The following NCSTN variants were observed in gnomAD, a reference collection of about 807,000 sequenced individuals.
NCSTN encodes the protein nicastrin.
Under a neutral mutation model 87.0 loss-of-function variants are expected in NCSTN, and 22 were observed. The ratio of observed to expected loss-of-function variants is 0.25; its 90% confidence interval spans 0.18 to 0.36. The LOEUF is 0.36. NCSTN is among the 10% of genes least tolerant of loss of function. The probability of loss-of-function intolerance (pLI) is 1.00; values close to 1 mark genes in which losing one functional copy is unlikely to be tolerated. For missense variants in NCSTN, 693 were observed against 883.3 expected (o/e 0.78, Z 2.73); for synonymous variants, 306 against 327.1 (o/e 0.94, Z 0.69).
intron 2 of NCSTN, among the ~76,000 whole-genome samples, chr1:160,345,483 G>A (rs942566699): frequency 5.3e-5 from 8 of 151,864 alleles, no homozygotes; most frequent in African/African-American, 9.7e-5. Flanking sequence ...GTGAGCCACC[G>A]CACCCAGCCG....
intron 4 of NCSTN, 22 bp downstream of exon 4, chr1:160,349,692 G>A (rs202176841): frequency 6.2e-6 from 10 of 1,612,840 alleles, no homozygotes; most frequent in South Asian, 4.4e-5. Context: ...AAAGGATCAG[G>A]AGAGCCTACT....
chr1:160,351,635 G>T (rs1246500995), intron 6 of NCSTN, 61 bp from the exon 7 acceptor site: 1 of 1,441,696 alleles, frequency 6.9e-7, no homozygotes, highest in Admixed American at 1.7e-5. Context: ...TTCCAATGTT[G>T]CCTTTATAGC....
intron 1 of NCSTN, chr1:160,343,742 T>A: frequency 1.5e-6 from 1 of 685,054 alleles, no homozygotes; most frequent in Admixed American, 2.0e-5. Context: ...TCTCCCACTT[T>A]GTCCAGATGT....
chr1:160,356,285 T>G lies in NCSTN; in HGVS notation c.1577T>G (p.Leu526Arg). The G allele has an allele frequency of 6.2e-7, 1 of 1,613,770 alleles. No homozygotes were observed. The highest frequency in any genetic ancestry group is 8.5e-7 in the Non-Finnish European group (1 of 1,179,612). ...QTVTRLLYGF[L>R]IKANNSWFQS... is the part of the protein sequence containing the mutation. ...GTTACCCGCCTGCTCTATGGGTTCC[T>G]GATTAAAGCCAACAACTCATGGTTC... The change falls in exon 14 of 17, where the codon CTG (leucine) becomes CGG (arginine). Residue 526 changes from leucine (L) to arginine (R), a missense_variant. Around this residue, in one of 4 missense-constraint regions of NCSTN, gnomAD observed 216 missense variants for 311.7 expected, o/e 0.69. Coordinates refer to ENST00000294785, the MANE Select transcript of NCSTN (RefSeq NM_015331.3).
chr1:160,356,076 G>A, intron 13 of NCSTN, 118 bp downstream of exon 13: 9 of 1,116,576 alleles, frequency 8.1e-6, no homozygotes, highest in Non-Finnish European at 1.2e-5. Context: ...CGGTGAGAAT[G>A]CCTCATGCCC....
rs1458509194 is a variant in NCSTN, at chr1:160,358,843, T to G, written c.*572T>G. 1 of 157,114 alleles carries G rather than the reference T, an allele frequency of 6.4e-6. No individual in the cohort carries two copies. Among genetic ancestry groups the G allele is most frequent in the African/African-American group, 2.4e-5 (1 of 41,500 alleles). 9.7% of individuals were successfully genotyped at this position (157,114 alleles called of 1,614,324 possible). A position where few individuals can be genotyped will look rare whatever the true frequency, so the allele number is the denominator to read the frequency against. ...CCCACCTCCAGCCCACAGTGCTCAGTTGTACTTTTTATTAAGCTGTAATAT... is the reference window on the plus strand; with the variant it reads ...CCCACCTCCAGCCCACAGTGCTCAGGTGTACTTTTTATTAAGCTGTAATAT... On this transcript the variant is annotated 3_prime_UTR_variant, in exon 17 of 17. Coordinates refer to ENST00000294785, the MANE Select transcript of NCSTN (RefSeq NM_015331.3).
chr1:160,349,863 C>T (rs1648741625), intron 4 of NCSTN, among the ~76,000 whole-genome samples, 193 bp downstream of exon 4: 1 of 152,204 alleles, frequency 6.6e-6, no homozygotes. Context: ...CTTCCTTTGC[C>T]TTACCTGGCA....
intron 16 of NCSTN, 144 bp downstream of exon 16, chr1:160,357,397 T>G: frequency 1.1e-6 from 1 of 900,932 alleles, no homozygotes; most frequent in Non-Finnish European, 1.7e-6. Context: ...TCAGCCAGCA[T>G]GTTCCCTTAG....
In NCSTN at chr1:160,354,046, T is replaced by C. The variant is rs189151352; in HGVS notation, c.1180-72T>C. The C allele has an allele frequency of 4.4e-5, 65 of 1,489,336 alleles. No individual in the cohort carries two copies. The Admixed American group carries it at 7.7e-4, about 18-fold the overall frequency. 92.3% of individuals were successfully genotyped at this position (1,489,336 alleles called of 1,614,324 possible). ...CAGGGAACTTGAAGTATAGAGCATT[T>C]CAGGCCTAAAAGAGACCTCCTGCTT... On this transcript the variant is annotated intron_variant, in intron 10 of 16. Transcript: ENST00000294785.
At position 160,356,703 on chromosome 1, in the gene NCSTN, C is replaced by T. The variant is rs199871345; in HGVS notation, c.1743C>T (p.Leu581=). ...LANLTGTVVN[L]TREQCQDPSK... ...ATTTGACTGGCACAGTGGTCAACCT[C>T]ACCCGAGAGCAGTGCCAGGATCCAA... Residue 581 remains leucine (L), a synonymous_variant, in exon 15 of 17, where the codon CTC becomes CTT. Transcript: ENST00000294785. The T allele has an allele frequency of 3.1e-6, 5 of 1,614,112 alleles. No individual in the cohort carries two copies. Among genetic ancestry groups the T allele is most frequent in the African/African-American group, 1.3e-5 (1 of 74,936 alleles).
chr1:160,354,702 CTG>C (rs931961958), intron 11 of NCSTN, among the ~76,000 whole-genome samples: 1 of 152,198 alleles, frequency 6.6e-6, no homozygotes, highest in Non-Finnish European at 1.5e-5. Context: ...TATTCATACT[CTG>C]TGAAATGTAC....
chr1:160,355,302 T>C (rs146110389), intron 11 of NCSTN, among the ~76,000 whole-genome samples: 48 of 152,322 alleles, frequency 3.2e-4, no homozygotes, highest in Admixed American at 8.5e-4. Context: ...GGAACAGTTA[T>C]ACAACTGATC....
chr1:160,343,859 G>C (rs1648270658), intron 1 of NCSTN: 1 of 491,748 alleles, frequency 2.0e-6, no homozygotes, highest in African/African-American at 2.0e-5. Context: ...AAGCAATCTT[G>C]TTCTGTGGGT....
chr1:160,349,067 A>G lies in NCSTN; in HGVS notation c.259A>G (p.Thr87Ala). The change falls in exon 3 of 17, where the codon ACT becomes GCT. Residue 87 changes from threonine to alanine, a missense_variant. By Grantham distance (58) the Thr-to-Ala change is moderately conservative. Transcript: ENST00000294785. ...AGAGGAGGACCTACAGTGGGTATTG[A>G]CTGATGGCCCCAACCCCCCTTACAT... is the stretch of plus-strand genomic sequence containing the variant. ...EKEEDLQWVL[T>A]DGPNPPYMVL... 6.2e-7 allele frequency: 1 copy of G among 1,614,172 alleles called. No homozygotes were observed. The highest frequency in any genetic ancestry group is 1.3e-5 in the African/African-American group (1 of 75,050).
intron 2 of NCSTN, among the ~76,000 whole-genome samples, chr1:160,346,609 CTT>C (rs747845309): frequency 2.3e-4 from 33 of 143,512 alleles, no homozygotes; most frequent in Non-Finnish European, 2.8e-4. Flanking sequence ...TACTTAGTTT[CTT>C]TTTTTTTTTT....
chr1:160,354,305 GCCCTGCA>G lies in NCSTN; in HGVS notation c.1352+20_1352+26del, dbSNP rs558450866. ...TTCCATAACAAGTAAGAATCACTTG[GCCCTGCA>G]CCCTCTTCATTCTTGAAGAGAGTCT... On this transcript the variant is annotated intron_variant, in intron 11 of 16. Coordinates refer to ENST00000294785, the MANE Select transcript of NCSTN (RefSeq NM_015331.3). 1,709 of 1,613,468 alleles carry G rather than the reference GCCCTGCA, an allele frequency of 1.1e-3. No individual in the cohort carries two copies. The highest frequency in any genetic ancestry group is 1.3e-3 in the Non-Finnish European group (1,582 of 1,179,484).
At chr1:160,347,449 G>A (rs1648560226) in intron 2 of NCSTN, among the ~76,000 whole-genome samples, 1 of 152,138 alleles carries the variant, frequency 6.6e-6, no homozygotes, top group African/African-American at 2.4e-5. Context: ...TGTCCCCACA[G>A]TATGAGATGA....
rs1161278543 is a variant in NCSTN at position 160,353,368 on chromosome 1, C to T, written c.1179+131C>T. On this transcript the variant is annotated intron_variant, in intron 10 of 16. Transcript: ENST00000294785. The stretch of plus-strand genomic sequence containing the variant: ...AGACAGGATTGGATTGGGTGTTGGC[C>T]AAAGGATGAACACCACAGCTGTTGT... The T allele has an allele frequency of 2.6e-6, 4 of 1,552,420 alleles. No individual in the cohort carries two copies. The African/African-American group carries it at 5.4e-5, about 21-fold the overall frequency.
chr1:160,356,991 G>A (rs939466637), intron 15 of NCSTN, 50 bp from the exon 16 acceptor site: 1 of 1,535,448 alleles, frequency 6.5e-7, no homozygotes, highest in African/African-American at 1.4e-5. Context: ...GAGGGAACGA[G>A]TGAGAAGAGG....
Sources: gnomAD v4.1 joint callset for allele counts (sites outside exome capture counted in the v4.1 genomes callset) on GRCh38, gnomAD v4.1.1 for gene constraint, gnomAD v4.1.1 regional missense constraint, MANE v1.5 for transcripts, NCBI Gene and HGNC (gene_info 2026-07-23, HGNC 2026-07-21) for gene names.